ATRNL1: variants seen among roughly 807,000 people sequenced by gnomAD.
The protein encoded by ATRNL1 is attractin like 1, also known as attractin-like protein 1.
Under a neutral mutation model 182.7 loss-of-function variants are expected in ATRNL1, and 95 were observed. The ratio of observed to expected loss-of-function variants is 0.52; its 90% CI spans 0.44 to 0.62. The LOEUF is 0.62. Among genes scored for constraint, ATRNL1 ranks in the 20% least tolerant of loss-of-function variants. ATRNL1 has a pLI of 0.00. For synonymous variants in ATRNL1, 576 were observed against 568.3 expected (o/e 1.01, Z -0.19); for missense variants, 1,471 against 1,679.5 (o/e 0.88, Z 2.17).
chr10:115,873,813 A>G (rs1411859485), intron 28 of ATRNL1, among the ~76,000 whole-genome samples: 2 of 152,220 alleles, frequency 1.3e-5, no homozygotes, highest in Non-Finnish European at 2.9e-5. Context: ...CTATTCTCTA[A>G]TATTTTATTG....
At chr10:115,350,852 T>C (rs982583440) in intron 19 of ATRNL1, among the ~76,000 whole-genome samples, 1 of 152,168 alleles carries the variant, frequency 6.6e-6, no homozygotes, top group African/African-American at 2.4e-5. Context: ...TGTAGATACC[T>C]TTGGGTTGTA....
chr10:115,337,257 C>G (rs149906068), intron 19 of ATRNL1, among the ~76,000 whole-genome samples: 1 of 152,056 alleles, frequency 6.6e-6, no homozygotes, highest in Non-Finnish European at 1.5e-5. Flanking sequence ...TATCTTGATA[C>G]AGGCATGCAA....
At chr10:115,205,239 A>G (rs912132652) in intron 8 of ATRNL1, among the ~76,000 whole-genome samples, 4 of 152,028 alleles carry the variant, frequency 2.6e-5, no homozygotes, top group Middle Eastern at 3.4e-3. Flanking sequence ...TGAGTTTTAT[A>G]CTTTCATACA....
chr10:115,844,469 A>G (rs572429874), intron 27 of ATRNL1, among the ~76,000 whole-genome samples: 1 of 152,160 alleles, frequency 6.6e-6, no homozygotes, highest in South Asian at 2.1e-4. Flanking sequence ...AGTTTTAAGA[A>G]CTATACCTTG....
intron 10 of ATRNL1, among the ~76,000 whole-genome samples, chr10:115,251,021 C>T (rs1850853941): frequency 6.6e-6 from 1 of 152,120 alleles, no homozygotes; most frequent in Non-Finnish European, 1.5e-5. Context: ...ATTTTTGATC[C>T]TCTTTTTTGA....
rs782321500 is a variant in ATRNL1, at chr10:115,215,806, G to C, written c.1458G>C (p.Gly486=). 3.7e-6 allele frequency: 6 copies of C among 1,605,954 alleles called. No homozygotes were observed. The Admixed American group carries it at 8.6e-5, about 23-fold the overall frequency. Residue 486 remains glycine, a synonymous_variant, in exon 9 of 29, where the codon GGG becomes GGC. Coordinates refer to ENST00000355044, the MANE Select transcript of ATRNL1 (RefSeq NM_207303.4). ...EITKSIYVHG[G]YKALPGNKYG... is the part of the protein sequence containing the mutation. ...CAAAGTCCATTTATGTTCATGGAGG[G>C]TATAAAGCATTGCCAGGGAACAAAT... is the stretch of plus-strand genomic sequence containing the variant.
At chr10:115,911,068 G>A (rs189773234) in intron 28 of ATRNL1, among the ~76,000 whole-genome samples, 8 of 151,526 alleles carry the variant, frequency 5.3e-5, no homozygotes, top group African/African-American at 1.7e-4. Context: ...GCAATAGTGC[G>A]ATCTTAGCTC....
chr10:115,356,896 A>G (rs1554943002), intron 19 of ATRNL1, among the ~76,000 whole-genome samples: 2 of 151,936 alleles, frequency 1.3e-5, no homozygotes, highest in Non-Finnish European at 2.9e-5. Context: ...GAACAAGTGG[A>G]CTAATATATC....
chr10:115,535,965 G>C (rs1188808900), intron 25 of ATRNL1, among the ~76,000 whole-genome samples: 1 of 151,374 alleles, frequency 6.6e-6, no homozygotes, highest in Non-Finnish European at 1.5e-5. Flanking sequence ...TCGTTCCTCT[G>C]GAAGTTTTGT....
At chr10:115,112,847 A>G (rs1274339406) in intron 1 of ATRNL1, among the ~76,000 whole-genome samples, 1 of 152,208 alleles carries the variant, frequency 6.6e-6, no homozygotes. Context: ...AGACATCTCA[A>G]TTAATTCAAC....
intron 24 of ATRNL1, among the ~76,000 whole-genome samples, chr10:115,488,539 T>A (rs1476820148): frequency 5.3e-5 from 8 of 152,200 alleles, no homozygotes; most frequent in Admixed American, 4.6e-4. Flanking sequence ...CTGATGGAAG[T>A]TTGTATTTCT....
chr10:115,250,679 T>C (rs1850838865), intron 10 of ATRNL1, among the ~76,000 whole-genome samples: 1 of 152,224 alleles, frequency 6.6e-6, no homozygotes. Context: ...AGATGCATAA[T>C]TGGTCTTTTA....
intron 26 of ATRNL1, among the ~76,000 whole-genome samples, chr10:115,598,149 G>A (rs1555014778): frequency 6.6e-6 from 1 of 151,472 alleles, no homozygotes. Flanking sequence ...AGCAAGCCCA[G>A]GCAAGCGATA....
intron 18 of ATRNL1, among the ~76,000 whole-genome samples, chr10:115,323,846 C>T (rs7094954): frequency 0.013 from 1,961 of 151,872 alleles, 36 homozygotes; most frequent in African/African-American, 0.044. Flanking sequence ...GGCGCGATCT[C>T]GGCTCACCGC....
rs1246607863 is a variant in ATRNL1 at position 115,286,305 on chromosome 10, T to C, written c.2323T>C (p.Tyr775His). The C allele has an allele frequency of 5.0e-6, 8 of 1,603,612 alleles. No homozygotes were observed. The African/African-American group carries it at 5.4e-5, about 11-fold the overall frequency. Reference protein sequence around the residue: ...SRENYDNAKLYCYNLSGNLAS... With the variant: ...SRENYDNAKLHCYNLSGNLAS... ...AGAAAACTATGACAATGCAAAACTT[T>C]ATTGCTATAATCTTAGTGGAAATCT... Residue 775 changes from tyrosine to histidine, a missense_variant, in exon 15 of 29, where the codon TAT becomes CAT. This residue lies in a region of ATRNL1 where 1,031 missense variants were observed against 1,156.0 expected (regional missense o/e 0.89). Coordinates refer to ENST00000355044, the MANE Select transcript of ATRNL1 (RefSeq NM_207303.4).
At position 115,121,965 on chromosome 10, in the gene ATRNL1, CAATTT is replaced by C. The variant is rs374089187; in HGVS notation, c.491+155_491+159del. Among the ~76,000 whole-genome samples the C allele has an allele frequency of 2.6e-4, 39 of 151,882 alleles. No individual in the cohort carries two copies. In the East Asian group the frequency reaches 2.7e-3, roughly 11 times the overall value. ...ATACTTTGTTATGTGCTGTAACTGT[CAATTT>C]AGGTAATAATTATGTAAATATTGAT... On this transcript the variant is annotated intron_variant, in intron 3 of 28. Transcript: ENST00000355044.
intron 28 of ATRNL1, among the ~76,000 whole-genome samples, chr10:115,877,746 A>G (rs1327631432): frequency 3.3e-5 from 5 of 152,244 alleles, no homozygotes; most frequent in African/African-American, 1.2e-4. Context: ...CCACATAACT[A>G]TATAAATCCT....
At chr10:115,817,865 A>T in intron 27 of ATRNL1, among the ~76,000 whole-genome samples, 2 of 126,212 alleles carry the variant, frequency 1.6e-5, no homozygotes, top group Admixed American at 9.1e-5. Context: ...TATGGCTTTG[A>T]TTTTACGTTG....
At chr10:115,319,249 A>G (rs1554930624) in intron 18 of ATRNL1, among the ~76,000 whole-genome samples, 12 of 152,308 alleles carry the variant, frequency 7.9e-5, no homozygotes, top group Non-Finnish European at 1.2e-4. Flanking sequence ...CTGTTGTCTG[A>G]GAGACTTTGT....
Sources: gnomAD v4.1 joint callset for allele counts (sites outside exome capture counted in the v4.1 genomes callset) on GRCh38, gnomAD v4.1.1 for gene constraint, gnomAD v4.1.1 regional missense constraint, MANE v1.5 for transcripts, NCBI Gene and HGNC (gene_info 2026-07-23, HGNC 2026-07-21) for gene names.